Variants in PCCA observed in about 807,000 individuals in gnomAD.
PCCA encodes propionyl-CoA carboxylase alpha chain, mitochondrial.
In PCCA, 74 loss-of-function variants were observed where a neutral mutation model predicts 101.3. The ratio of observed to expected loss-of-function variants is 0.73; its 90% confidence interval spans 0.61 to 0.89. PCCA has a LOEUF of 0.89. PCCA is among the 40% of genes least tolerant of loss of function. The pLI, the probability that PCCA is intolerant of heterozygous loss-of-function variation, is 0.00. For synonymous variants in PCCA, 294 were observed against 313.6 expected, an observed-to-expected ratio of 0.94 and a Z score of 0.66; for missense variants, 891 against 907.0, an observed-to-expected ratio of 0.98 and a Z score of 0.23.
chr13:100,163,537 G>A (rs76922240), intron 6 of PCCA, among the ~76,000 whole-genome samples: 3,273 of 152,264 alleles, frequency 0.021, 50 homozygotes, highest in Non-Finnish European at 0.033. Flanking sequence ...TTTTTAAATT[G>A]TAGTGTTTAG....
At chr13:100,250,852 G>A (rs1012792702) in intron 8 of PCCA, among the ~76,000 whole-genome samples, 3 of 152,150 alleles carry the variant, frequency 2.0e-5, no homozygotes, top group South Asian at 2.1e-4. Context: ...GTCCTTTCTC[G>A]TGTTCTGATT....
chr13:100,144,459 T>C (rs1156766472), intron 4 of PCCA, among the ~76,000 whole-genome samples: 1 of 152,202 alleles, frequency 6.6e-6, no homozygotes, highest in Non-Finnish European at 1.5e-5. Context: ...TGTAGTAATT[T>C]AGGACTGGTA....
At position 100,527,552 on chromosome 13, in the gene PCCA, T is replaced by C. The variant is rs146242337; in HGVS notation, c.2041-123T>C. On this transcript the variant is annotated intron_variant, in intron 22 of 23. Transcript: ENST00000376285. ...TTGGAATAGGAAACATTAGAGATTG[T>C]TGCTGCTGTTCATAGACACATATTT... The C allele has an allele frequency of 1.2e-5, 9 of 730,876 alleles. No individual in the cohort carries two copies. The Admixed American group carries it at 1.7e-4, about 14-fold the overall frequency. 45.3% of individuals were successfully genotyped at this position (730,876 alleles called of 1,614,324 possible). A position where few individuals can be genotyped will look rare whatever the true frequency, so the allele number is the denominator to read the frequency against.
intron 21 of PCCA, among the ~76,000 whole-genome samples, chr13:100,488,693 C>G (rs978727055): frequency 6.7e-6 from 1 of 148,902 alleles, no homozygotes; most frequent in Non-Finnish European, 1.5e-5. Context: ...TATAATCCAG[C>G]TACTCAGGAG....
chr13:100,381,988 C>T (rs915549551), intron 19 of PCCA, among the ~76,000 whole-genome samples: 18 of 152,232 alleles, frequency 1.2e-4, no homozygotes, highest in Admixed American at 4.6e-4. Context: ...GGGCATGTTA[C>T]AGTGCTCTTT....
intron 21 of PCCA, among the ~76,000 whole-genome samples, chr13:100,488,605 G>T (rs922846340): frequency 6.7e-6 from 1 of 150,062 alleles, no homozygotes; most frequent in African/African-American, 2.4e-5. Context: ...GTGGTATCCT[G>T]TATCTACAAG....
At chr13:100,161,041 A>G (rs140778080) in intron 6 of PCCA, 1 of 152,294 alleles carries the variant, frequency 6.6e-6, no homozygotes, top group Admixed American at 6.5e-5. Flanking sequence ...CAGCGTTGAA[A>G]GCATAGGAGG....
At chr13:100,197,027 T>G (rs1443363220) in intron 6 of PCCA, among the ~76,000 whole-genome samples, 1 of 152,284 alleles carries the variant, frequency 6.6e-6, no homozygotes, top group East Asian at 1.9e-4. Context: ...TAATTAGGAT[T>G]TATATTCCAG....
At chr13:100,256,947 C>A (rs1048895209) in intron 8 of PCCA, among the ~76,000 whole-genome samples, 1 of 152,116 alleles carries the variant, frequency 6.6e-6, no homozygotes, top group Non-Finnish European at 1.5e-5. Flanking sequence ...AAAACTTTAG[C>A]TGGAAGTGTG....
Position 100,089,132 on chromosome 13 carries a change from C to A in PCCA, c.12C>A (p.Phe4Leu). Residue 4 changes from phenylalanine (F) to leucine (L), a missense_variant, in exon 1 of 24, where the codon TTC (phenylalanine) becomes TTA (leucine). Transcript: ENST00000376285. MAG[F>L]WVGTAPLVAA... ...CTGCGGGGACAACAATGGCGGGGTTCTGGGTCGGGACAGCACCGCTGGTCG... is the reference window on the plus strand; with the variant it reads ...CTGCGGGGACAACAATGGCGGGGTTATGGGTCGGGACAGCACCGCTGGTCG... 6.6e-7 allele frequency: 1 copy of A among 1,506,292 alleles called. No individual in the cohort carries two copies. The highest frequency in any genetic ancestry group is 2.6e-5 in the East Asian group (1 of 37,766). The allele number at this position is 1,506,292 out of a possible 1,614,324, so 93.3% of individuals were successfully genotyped here. A position where few individuals can be genotyped will look rare whatever the true frequency, so the allele number is the denominator to read the frequency against.
chr13:100,462,508 G>A (rs187174348), intron 21 of PCCA, among the ~76,000 whole-genome samples: 1 of 152,226 alleles, frequency 6.6e-6, no homozygotes, highest in East Asian at 1.9e-4. Flanking sequence ...GTAATGCATA[G>A]GCTTATATAG....
intron 19 of PCCA, among the ~76,000 whole-genome samples, chr13:100,395,027 C>T (rs142952289): frequency 4.6e-5 from 7 of 152,310 alleles, no homozygotes; most frequent in African/African-American, 1.7e-4. Context: ...GGGTTTGGGG[C>T]TGTACACTCA....
At chr13:100,346,257 T>G (rs552233308) in intron 18 of PCCA, among the ~76,000 whole-genome samples, 76 of 152,314 alleles carry the variant, frequency 5.0e-4, no homozygotes, top group South Asian at 3.7e-3. Flanking sequence ...GATTCACCAT[T>G]CTAGATCCCC....
chr13:100,491,388 G>A (rs1188318632), intron 21 of PCCA: 2 of 193,910 alleles, frequency 1.0e-5, no homozygotes, highest in African/African-American at 4.7e-5. Context: ...CGTGACTGCT[G>A]TTTTCATTTC....
At chr13:100,169,001 C>T (rs1052157300) in intron 6 of PCCA, among the ~76,000 whole-genome samples, 2 of 152,136 alleles carry the variant, frequency 1.3e-5, no homozygotes, top group Non-Finnish European at 2.9e-5. Context: ...CAGTGTTTTA[C>T]AGACTGACAT....
chr13:100,221,833 G>A (rs1416746214), intron 7 of PCCA, among the ~76,000 whole-genome samples: 2 of 149,858 alleles, frequency 1.3e-5, no homozygotes, highest in Non-Finnish European at 2.9e-5. Context: ...TGCATCCCGG[G>A]TTCAAGCAAT....
At position 100,301,493 on chromosome 13, in the gene PCCA, CT is replaced by C; in HGVS notation, c.1100del (p.Leu367ArgfsTer3). The C allele has an allele frequency of 6.2e-7, 1 of 1,614,058 alleles. No individual in the cohort carries two copies. The highest frequency in any genetic ancestry group is 8.5e-7 in the Non-Finnish European group (1 of 1,179,952). ...EHPVTECITG[L>X]DLVQEMIRVA... Reference sequence around the variant, plus strand: ...TCCTGTCACAGAATGCATTACTGGCCTGGACCTAGTCCAGGAAATGATCCGT... The same window carrying C: ...TCCTGTCACAGAATGCATTACTGGCCGGACCTAGTCCAGGAAATGATCCGT... On this transcript the variant is annotated frameshift_variant, in exon 13 of 24. Coordinates refer to ENST00000376285, the MANE Select transcript of PCCA (RefSeq NM_000282.4). LOFTEE classifies it high-confidence loss of function.
chr13:100,353,474 A>G (rs1437148234), intron 18 of PCCA, among the ~76,000 whole-genome samples: 1 of 152,228 alleles, frequency 6.6e-6, no homozygotes, highest in African/African-American at 2.4e-5. Flanking sequence ...CAACAAGGAA[A>G]ATTTGGGAAG....
At chr13:100,523,413 T>C (rs954797614) in intron 22 of PCCA, among the ~76,000 whole-genome samples, 1 of 152,190 alleles carries the variant, frequency 6.6e-6, no homozygotes, top group Non-Finnish European at 1.5e-5. Context: ...TGGCAGCCTA[T>C]ATCCATTAGA....
Sources: allele counts gnomAD v4.1 joint callset (sites outside exome capture counted in the v4.1 genomes callset), GRCh38; gene constraint gnomAD v4.1.1; transcripts MANE v1.5; gene names NCBI Gene and HGNC (gene_info 2026-07-23, HGNC 2026-07-21).